Variants in TXLNB observed in about 807,000 individuals in gnomAD.
TXLNB encodes beta-taxilin.
In TXLNB, 37 loss-of-function variants were observed where a neutral mutation model predicts 57.4. The observed-to-expected ratio is 0.64, with a 90% confidence interval of 0.50 to 0.85. The LOEUF (loss-of-function observed/expected upper bound fraction) is 0.85, where lower values mean the gene tolerates loss of function less well. Ranked by LOEUF, TXLNB falls within the 40% of genes least tolerant of loss-of-function variation. The pLI, the probability that TXLNB is intolerant of heterozygous loss-of-function variation, is 0.00. For synonymous variants in TXLNB, 302 were observed against 309.6 expected (o/e 0.98, Z 0.26); for missense variants, 848 against 825.6 (o/e 1.03, Z -0.33).
In TXLNB at chr6:139,275,416, T is replaced by C. The variant is rs1006550794; in HGVS notation, c.516+1414A>G. On this transcript the variant is annotated intron_variant, in intron 3 of 9. Transcript: ENST00000358430. ...ACTGTAATTATAATAAAAATCTGCATACACAGTAGAACAGGAAAAGAATAT... is the reference window on the plus strand; with the variant it reads ...ACTGTAATTATAATAAAAATCTGCACACACAGTAGAACAGGAAAAGAATAT... Among the ~76,000 whole-genome samples the C allele has an allele frequency of 1.5e-4, 23 of 152,324 alleles. No individual in the cohort carries two copies. The South Asian group carries it at 2.3e-3, about 15-fold the overall frequency.
chr6:139,167,012 G>C, the TXLNB span: 1 of 1,614,234 alleles, frequency 6.2e-7, no homozygotes, highest in South Asian at 1.1e-5. Flanking sequence ...AGTTCACAGG[G>C]GGGGACACTT....
chr6:139,223,895 T>G, the TXLNB span, among the ~76,000 whole-genome samples: 1 of 151,278 alleles, frequency 6.6e-6, no homozygotes, highest in African/African-American at 2.4e-5. Context: ...TGGCGATTCC[T>G]CAGGGATCTA....
intron 3 of TXLNB, among the ~76,000 whole-genome samples, chr6:139,276,259 T>C (rs1188215199): frequency 2.0e-5 from 3 of 152,190 alleles, no homozygotes; most frequent in African/African-American, 4.8e-5. Context: ...TCCCAAACTA[T>C]GTCAATATAC....
intron 9 of TXLNB, among the ~76,000 whole-genome samples, chr6:139,243,689 T>C (rs1776006131): frequency 6.6e-6 from 1 of 152,170 alleles, no homozygotes; most frequent in South Asian, 2.1e-4. Flanking sequence ...TGAGATGGAT[T>C]GGGACTTGGG....
At chr6:139,273,099 G>A (rs935323721) in intron 3 of TXLNB, among the ~76,000 whole-genome samples, 3 of 152,300 alleles carry the variant, frequency 2.0e-5, no homozygotes, top group East Asian at 1.9e-4. Flanking sequence ...CCATTCTGGC[G>A]TAGACTTTAC....
intron 2 of TXLNB, among the ~76,000 whole-genome samples, chr6:139,279,860 C>T (rs949225009): frequency 6.6e-6 from 1 of 152,102 alleles, no homozygotes; most frequent in Non-Finnish European, 1.5e-5. Context: ...AAATGCTCAG[C>T]GTGGTAGGAA....
At chr6:139,190,799 C>T in the TXLNB span, among the ~76,000 whole-genome samples, 2 of 152,272 alleles carry the variant, frequency 1.3e-5, no homozygotes, top group African/African-American at 4.8e-5. Context: ...CTTCTTTTCA[C>T]AGGTGTTGAA....
At chr6:139,310,725 C>T in the TXLNB span, among the ~76,000 whole-genome samples, 10 of 152,132 alleles carry the variant, frequency 6.6e-5, no homozygotes, top group African/African-American at 1.7e-4. Flanking sequence ...ACAAGAGTCT[C>T]ACTCTGTCGC....
intron 1 of TXLNB, among the ~76,000 whole-genome samples, chr6:139,289,216 C>T (rs994643840): frequency 9.2e-5 from 14 of 152,192 alleles, no homozygotes; most frequent in Admixed American, 9.2e-4. Flanking sequence ...GACCCCTGAC[C>T]TAATAGGTTA....
At chr6:139,218,836 G>A in the TXLNB span, among the ~76,000 whole-genome samples, 4 of 152,144 alleles carry the variant, frequency 2.6e-5, no homozygotes, top group Admixed American at 1.3e-4. Context: ...CATGGCTTCT[G>A]GATCTCAGCT....
the TXLNB span, among the ~76,000 whole-genome samples, chr6:139,214,276 C>A: frequency 2.6e-5 from 4 of 152,170 alleles, no homozygotes; most frequent in African/African-American, 9.7e-5. Context: ...AAAGCTTATC[C>A]ACCATGATCA....
intron 3 of TXLNB, chr6:139,271,856 C>T (rs567916866): frequency 2.6e-5 from 4 of 152,324 alleles, no homozygotes; most frequent in African/African-American, 9.6e-5. Flanking sequence ...GTGCTGAAGT[C>T]AGGTAAGTAC....
intron 9 of TXLNB, among the ~76,000 whole-genome samples, chr6:139,243,549 T>C (rs1221158896): frequency 6.9e-6 from 1 of 144,978 alleles, no homozygotes; most frequent in Admixed American, 7.0e-5. Flanking sequence ...TTAATCACCA[T>C]ACCCTGTTCA....
Position 139,262,734 on chromosome 6 carries a change from T to C in TXLNB, c.727A>G (p.Arg243Gly), listed in dbSNP as rs762963130. 2.1e-5 allele frequency: 34 copies of C among 1,613,898 alleles called. No individual in the cohort carries two copies. In the East Asian group the frequency reaches 7.6e-4, roughly 36 times the overall value. Residue 243 changes from arginine to glycine, a missense_variant, in exon 5 of 10, where the codon AGG becomes GGG. Transcript: ENST00000358430. ...LQRAREEEEK[R>G]KEITSHFQST... ...TGGAAATGGCTTGTGATTTCCTTCCTTTTCTCTTCTTCCTCACGTGCCCGC... is the reference window on the plus strand; with the variant it reads ...TGGAAATGGCTTGTGATTTCCTTCCCTTTCTCTTCTTCCTCACGTGCCCGC...
the TXLNB span, among the ~76,000 whole-genome samples, chr6:139,204,056 T>C: frequency 1.2e-5 from 1 of 81,924 alleles, no homozygotes. Flanking sequence ...ATGTCCTAAT[T>C]TTTTTTTTTT....
At chr6:139,273,104 CTT>C (rs896390809) in intron 3 of TXLNB, among the ~76,000 whole-genome samples, 1 of 152,204 alleles carries the variant, frequency 6.6e-6, no homozygotes, top group African/African-American at 2.4e-5. Context: ...CTGGCGTAGA[CTT>C]TACCTTCTGA....
Position 139,262,702 on chromosome 6 carries a change from G to C in TXLNB, c.759C>G (p.Thr253=), listed in dbSNP as rs533067004. 1 of 1,613,974 alleles carries C rather than the reference G, an allele frequency of 6.2e-7. No individual in the cohort carries two copies. Among genetic ancestry groups the C allele is most frequent in the African/African-American group, 1.3e-5 (1 of 74,918 alleles). Residue 253 remains threonine, a synonymous_variant, in exon 5 of 10, where the codon ACC becomes ACG. Coordinates refer to ENST00000358430, the MANE Select transcript of TXLNB (RefSeq NM_153235.4). The part of the protein sequence containing the change: ...RKEITSHFQS[T]LTDIQGQIEQ... ...CGATCTGGCCCTGGATGTCCGTGAG[G>C]GTACTCTGGAAATGGCTTGTGATTT...
the TXLNB span, among the ~76,000 whole-genome samples, chr6:139,206,301 A>G: frequency 9.9e-5 from 15 of 152,236 alleles, no homozygotes; most frequent in African/African-American, 3.4e-4. Context: ...AACAACTAAC[A>G]TGATGAATAG....
chr6:139,282,075 C>A (rs1456969825), intron 2 of TXLNB, among the ~76,000 whole-genome samples: 4 of 150,734 alleles, frequency 2.7e-5, no homozygotes, highest in African/African-American at 9.8e-5. Context: ...TATGAATCTA[C>A]CTGTCAAGCT....
Sources: allele counts gnomAD v4.1 joint callset (sites outside exome capture counted in the v4.1 genomes callset), GRCh38; gene constraint gnomAD v4.1.1; transcripts MANE v1.5; gene names NCBI Gene and HGNC (gene_info 2026-07-23, HGNC 2026-07-21).